The following DNAH2 variants were observed in gnomAD, a reference collection of about 807,000 sequenced individuals.
DNAH2 encodes dynein axonemal heavy chain 2.
DNAH2 carries 323 observed loss-of-function variants against 523.5 expected under a neutral mutation model. The ratio of observed to expected loss-of-function variants is 0.62; its 90% CI spans 0.56 to 0.68. The LOEUF is 0.68. DNAH2 is among the 30% of genes least tolerant of loss of function. DNAH2 has a pLI of 0.00. For synonymous variants in DNAH2, 2,093 were observed against 2,177.4 expected (o/e 0.96, Z 1.08); for missense variants, 4,907 against 5,701.5 (o/e 0.86, Z 4.49).
chr17:7,759,330 CT>C, intron 15 of DNAH2, 91 bp from the exon 16 acceptor site: 1 of 1,512,634 alleles, frequency 6.6e-7, no homozygotes, highest in Non-Finnish European at 8.9e-7. Context: ...ATTAAACCAA[CT>C]TGTTTCCTTC....
At chr17:7,814,179 A>G (rs1347290914) in intron 63 of DNAH2, among the ~76,000 whole-genome samples, 1 of 107,582 alleles carries the variant, frequency 9.3e-6, no homozygotes, top group African/African-American at 4.4e-5. Context: ...TATATTCACT[A>G]TTCTCCAAAA....
Position 7,831,535 on chromosome 17 carries a change from C to A in DNAH2, c.12605C>A (p.Thr4202Asn), listed in dbSNP as rs752184305. The change falls in exon 81 of 86, where the codon ACC (threonine) becomes AAC (asparagine). Residue 4202 changes from threonine to asparagine, a missense_variant. Transcript: ENST00000572933. The surrounding 1 kb of genome is among the most constrained non-coding windows in gnomAD (Gnocchi z 4.2). ...CAGAGATACAACACACTGATGCAGA[C>A]CATCCTGTAAGACAGAGGGGGACTC... ...EIQRYNTLMQ[T>N]ILFSLTDLEK... 1.2e-6 allele frequency: 2 copies of A among 1,614,160 alleles called. No homozygotes were observed. Among genetic ancestry groups the A allele is most frequent in the Non-Finnish European group, 1.7e-6 (2 of 1,180,028 alleles).
intron 12 of DNAH2, among the ~76,000 whole-genome samples, chr17:7,748,807 A>ATT (rs762032878): frequency 4.2e-5 from 6 of 143,504 alleles, no homozygotes; most frequent in African/African-American, 1.3e-4. Context: ...CGCCACACAG[A>ATT]TTTTTTTTTT....
Position 7,816,727 on chromosome 17 carries a change from ACAGT to A in DNAH2, c.9888_9891del (p.Val3297ArgfsTer28). On this transcript the variant is annotated frameshift_variant, in exon 64 of 86. Transcript: ENST00000572933. LOFTEE classifies it high-confidence loss of function. Reference sequence around the variant, plus strand: ...TGGCGAGAAGGCCAGATGGGAGGAGACAGTCCAGGTGAGATCAGCTGTACTACCT... The same window carrying A: ...TGGCGAGAAGGCCAGATGGGAGGAGACCAGGTGAGATCAGCTGTACTACCT... 6.2e-7 allele frequency: 1 copy of A among 1,613,652 alleles called. No homozygotes were observed. The highest frequency in any genetic ancestry group is 8.5e-7 in the Non-Finnish European group (1 of 1,180,024).
Position 7,765,492 on chromosome 17 carries a change from G to T in DNAH2, c.3438G>T (p.Lys1146Asn), listed in dbSNP as rs779221451. The T allele has an allele frequency of 6.2e-7, 1 of 1,614,236 alleles. No homozygotes were observed. Among genetic ancestry groups the T allele is most frequent in the Non-Finnish European group, 8.5e-7 (1 of 1,180,052 alleles). ...QMLKKHKEKF[K>N]TGLIHSADDF... is the part of the protein sequence containing the mutation. The stretch of plus-strand genomic sequence containing the variant: ...TGAAGAAACACAAGGAGAAATTCAA[G>T]ACAGGCCTGATCCACTCGGCAGATG... Residue 1146 changes from lysine to asparagine, a missense_variant, in exon 21 of 86, where the codon AAG becomes AAT. Lys to Asn is a moderately conservative substitution (Grantham distance 94, BLOSUM62 0). Transcript: ENST00000572933.
rs1597541776 is a variant in DNAH2 at position 7,754,268 on chromosome 17, A to G, written c.1905-2823A>G. 3.5e-6 allele frequency: 1 copy of G among 286,468 alleles called. No homozygotes were observed. Among genetic ancestry groups the G allele is most frequent in the East Asian group, 6.5e-5 (1 of 15,348 alleles). The allele number at this position is 286,468 out of a possible 1,614,324, so 17.7% of individuals were successfully genotyped here. ...GGCCAAACTTAAATGATGGGAAGGAACTAGTAGATTGAAGGTATAGGAGAG... is the reference window on the plus strand; with the variant it reads ...GGCCAAACTTAAATGATGGGAAGGAGCTAGTAGATTGAAGGTATAGGAGAG... On this transcript the variant is annotated intron_variant, in intron 12 of 85. Transcript: ENST00000572933. The surrounding 1 kb of genome is among the most constrained non-coding windows in gnomAD (Gnocchi z 4.6).
intron 4 of DNAH2, among the ~76,000 whole-genome samples, chr17:7,732,625 AAG>A (rs1334942093): frequency 6.6e-6 from 1 of 152,160 alleles, no homozygotes; most frequent in Admixed American, 6.5e-5. Flanking sequence ...CAAAAGCCAT[AAG>A]CAAAATTGAA....
chr17:7,783,067 TTTTTG>T (rs1368280842), intron 39 of DNAH2, among the ~76,000 whole-genome samples: 2 of 152,060 alleles, frequency 1.3e-5, no homozygotes, highest in African/African-American at 4.8e-5. Flanking sequence ...GAGGACTGTT[TTTTTG>T]TTTTGTTTTG....
Position 7,816,624 on chromosome 17 carries a change from G to A in DNAH2, c.9783G>A (p.Gln3261=). 1.9e-6 allele frequency: 3 copies of A among 1,614,248 alleles called. No homozygotes were observed. Among genetic ancestry groups the A allele is most frequent in the Non-Finnish European group, 2.5e-6 (3 of 1,180,048 alleles). Reference sequence around the variant, plus strand: ...AACAGTATGATGAGAAGCTGGCACAGAAGGAGGAGCTTCGCAAGAAGTCTG... The same window carrying A: ...AACAGTATGATGAGAAGCTGGCACAAAAGGAGGAGCTTCGCAAGAAGTCTG... The part of the protein sequence containing the change: ...LKKQYDEKLA[Q]KEELRKKSEE... Residue 3261 remains glutamine (Q), a synonymous_variant, in exon 64 of 86, where the codon CAG becomes CAA. Transcript: ENST00000572933.
chr17:7,797,506 C>T lies in DNAH2; in HGVS notation c.8056C>T (p.Pro2686Ser), dbSNP rs753668544. 10 of 1,614,046 alleles carry T rather than the reference C, an allele frequency of 6.2e-6. No individual in the cohort carries two copies. The East Asian group carries it at 2.0e-4, about 32-fold the overall frequency. ...TGACCTCACATTTCATCATCTCTGT[C>T]CCAGCAAGCGTCCTCCTATCTTTGG... ...FFDLTFHHLC[P>S]SKRPPIFGDF... The change falls in exon 52 of 86, where the codon CCC becomes TCC. Residue 2686 changes from proline (P) to serine (S), a missense_variant. Transcript: ENST00000572933.
chr17:7,809,819 G>A (rs1273687723), intron 63 of DNAH2, among the ~76,000 whole-genome samples: 19 of 150,072 alleles, frequency 1.3e-4, no homozygotes, highest in Non-Finnish European at 2.2e-4. Context: ...AGCCTGTGAC[G>A]TTTATGAGCC....
intron 4 of DNAH2, among the ~76,000 whole-genome samples, chr17:7,727,802 G>A (rs917671848): frequency 1.3e-5 from 2 of 151,196 alleles, no homozygotes; most frequent in Non-Finnish European, 2.9e-5. Context: ...GTCTAGTGGG[G>A]AAGACAGACA....
At position 7,754,631 on chromosome 17, in the gene DNAH2, G is replaced by A. The variant is rs1191371762; in HGVS notation, c.1905-2460G>A. On this transcript the variant is annotated intron_variant, in intron 12 of 85. Coordinates refer to ENST00000572933, the MANE Select transcript of DNAH2 (RefSeq NM_020877.5). The surrounding 1 kb of genome is among the most constrained non-coding windows in gnomAD (Gnocchi z 4.6). ...CCCTCGTAAAGCCCAAGGAGGTTAA[G>A]CCCAAGATCCCAAAGGGTGTCAGCC... 4.1e-6 allele frequency: 6 copies of A among 1,477,684 alleles called. No homozygotes were observed. In the African/African-American group the frequency reaches 4.1e-5, roughly 10 times the overall value. The allele number at this position is 1,477,684 out of a possible 1,614,324, so 91.5% of individuals were successfully genotyped here. A position where few individuals can be genotyped will look rare whatever the true frequency, so the allele number is the denominator to read the frequency against.
Position 7,760,624 on chromosome 17 carries a change from G to A in DNAH2, c.2786-116G>A. The A allele has an allele frequency of 1.0e-6, 1 of 963,902 alleles. No individual in the cohort carries two copies. Among genetic ancestry groups the A allele is most frequent in the Non-Finnish European group, 1.5e-6 (1 of 646,182 alleles). 59.7% of individuals were successfully genotyped at this position (963,902 alleles called of 1,614,324 possible). On this transcript the variant is annotated intron_variant, in intron 17 of 85. Transcript: ENST00000572933. The surrounding 1 kb of genome is among the most constrained non-coding windows in gnomAD (Gnocchi z 4.0). ...ACCTTCTAATGTGCATGTTTGAGCT[G>A]TATTTCTCTGGGAAGCTGGTTTTAG...
At position 7,740,972 on chromosome 17, in the gene DNAH2, C is replaced by T. The variant is rs2075296894; in HGVS notation, c.1669C>T (p.Arg557Cys). The T allele has an allele frequency of 6.2e-7, 1 of 1,604,748 alleles. No homozygotes were observed. The highest frequency in any genetic ancestry group is 8.5e-7 in the Non-Finnish European group (1 of 1,172,714). The change falls in exon 11 of 86, where the codon CGC (arginine) becomes TGC (cysteine). Residue 557 changes from arginine to cysteine, a missense_variant. Physicochemically the swap from Arg to Cys is radical, Grantham distance 180. Around this residue, in one of 3 missense-constraint regions of DNAH2, gnomAD observed 2,806 missense variants for 3,190.8 expected, o/e 0.88. Transcript: ENST00000572933. ...KARWVHILRRRIDRVMTCLAG... is the reference protein window; with the variant it reads ...KARWVHILRRCIDRVMTCLAG... ...GCGCTGGGTGCACATCCTCCGGCGT[C>T]GCATCGACAGAGTCATGACCGTAAG...
intron 6 of DNAH2, 65 bp from the exon 7 acceptor site, chr17:7,734,405 G>T (rs2075081309): frequency 6.2e-7 from 1 of 1,600,518 alleles, no homozygotes; most frequent in Admixed American, 1.7e-5. Flanking sequence ...GGGTTGCGGG[G>T]AGTGAAGGAT....
chr17:7,773,798 C>T (rs2076380883), intron 28 of DNAH2, among the ~76,000 whole-genome samples: 2 of 152,012 alleles, frequency 1.3e-5, no homozygotes, highest in South Asian at 4.1e-4. Flanking sequence ...GGCACAATCT[C>T]GGCTCACTGC....
At position 7,757,203 on chromosome 17, in the gene DNAH2, G is replaced by C. The variant is rs1467107947; in HGVS notation, c.2017G>C (p.Glu673Gln). ...ERAEDLRILRENLLLVARDYN... is the reference protein window; with the variant it reads ...ERAEDLRILRQNLLLVARDYN... ...AGCCGAGGACCTGCGCATTCTGCGT[G>C]AAAATCTGCTACTCGTTGCTAGAGA... The change falls in exon 13 of 86, where the codon GAA (glutamate) becomes CAA (glutamine). Residue 673 changes from glutamate (E) to glutamine (Q), a missense_variant. Coordinates refer to ENST00000572933, the MANE Select transcript of DNAH2 (RefSeq NM_020877.5). 2 of 1,614,024 alleles carry C rather than the reference G, an allele frequency of 1.2e-6. No homozygotes were observed. Among genetic ancestry groups the C allele is most frequent in the Non-Finnish European group, 1.7e-6 (2 of 1,180,032 alleles).
chr17:7,793,447 T>TTCTTTCTTTTTCTTTC (rs774059490), intron 48 of DNAH2, among the ~76,000 whole-genome samples: 31 of 96,496 alleles, frequency 3.2e-4, no homozygotes, highest in Admixed American at 1.2e-3. Context: ...CTTTCTTTCT[T>TTCTTTCTTTTTCTTTC]TTTCTTTCTT....
Sources: gnomAD v4.1 joint callset for allele counts (sites outside exome capture counted in the v4.1 genomes callset) on GRCh38, gnomAD v4.1.1 for gene constraint, gnomAD v4.1.1 regional missense constraint, Gnocchi (gnomAD v3.1) non-coding constraint, MANE v1.5 for transcripts, NCBI Gene and HGNC (gene_info 2026-07-23, HGNC 2026-07-21) for gene names.